Variants in LRBA observed in about 807,000 individuals in gnomAD.
The protein encoded by LRBA is lipopolysaccharide-responsive and beige-like anchor protein.
A neutral mutation model predicts 330.0 loss-of-function variants in LRBA; 176 were observed. The ratio of observed to expected loss-of-function variants is 0.53; its 90% CI spans 0.47 to 0.60. The LOEUF (loss-of-function observed/expected upper bound fraction) is 0.60. LRBA is among the 20% of genes least tolerant of loss of function. The pLI is 0.00. For synonymous variants in LRBA, 1,230 were observed against 1,193.0 expected (o/e 1.03, Z -0.64); for missense variants, 3,259 against 3,444.8 (o/e 0.95, Z 1.35).
intron 47 of LRBA, among the ~76,000 whole-genome samples, chr4:150,391,809 C>T (rs935955472): frequency 1.3e-5 from 2 of 151,936 alleles, no homozygotes; most frequent in Admixed American, 6.6e-5. Flanking sequence ...TATTTTTCTT[C>T]CTCTTGAGTG....
rs116355217 is a variant in LRBA at position 150,908,428 on chromosome 4, T to C, written c.1399A>G (p.Met467Val). The C allele has an allele frequency of 3.3e-3, 5,284 of 1,608,406 alleles. 9 individuals carry two copies. The highest frequency in any genetic ancestry group is 4.2e-3 in the Non-Finnish European group (4,939 of 1,178,732). ...AVLTHSIQSA[M>V]HSIGGVQVLF... is the part of the protein sequence containing the mutation. Reference sequence around the variant, plus strand: ...ACTTGTACTCCTCCAATTGAATGCATTGCACTTTGGATGGAATGTGTTAAA... The same window carrying C: ...ACTTGTACTCCTCCAATTGAATGCACTGCACTTTGGATGGAATGTGTTAAA... The change falls in exon 11 of 57, where the codon ATG (methionine) becomes GTG (valine). Residue 467 changes from methionine (M) to valine (V), a missense_variant. Met to Val is a conservative substitution (Grantham distance 21, BLOSUM62 1). Coordinates refer to ENST00000651943, the MANE Select transcript of LRBA (RefSeq NM_001364905.1).
Position 150,871,393 on chromosome 4 carries a change from C to T in LRBA, c.2319G>A (p.Met773Ile), listed in dbSNP as rs143024610. 3.3e-5 allele frequency: 54 copies of T among 1,612,706 alleles called. No individual in the cohort carries two copies. The African/African-American group carries it at 6.7e-4, about 20-fold the overall frequency. The change falls in exon 19 of 57, where the codon ATG becomes ATA. Residue 773 changes from methionine (M) to isoleucine (I), a missense_variant. Transcript: ENST00000651943. ...GLFSLLAERL[M>I]LQTNLITMTT... ...TCATTGTGATTAAATTTGTCTGAAG[C>T]ATGAGCCTTTCAGCTAGCAATGAAA...
At chr4:150,809,772 T>A (rs1452687543) in intron 31 of LRBA, among the ~76,000 whole-genome samples, 1 of 151,936 alleles carries the variant, frequency 6.6e-6, no homozygotes, top group Non-Finnish European at 1.5e-5. Context: ...CACTTGAGCC[T>A]AGAGGGCAGA....
intron 32 of LRBA, among the ~76,000 whole-genome samples, 193 bp downstream of exon 32, chr4:150,808,127 C>G (rs1055278415): frequency 6.6e-6 from 1 of 151,652 alleles, no homozygotes; most frequent in East Asian, 1.9e-4. Flanking sequence ...TGTACATCAT[C>G]AAATGACTTG....
intron 40 of LRBA, among the ~76,000 whole-genome samples, chr4:150,524,667 T>C (rs1011752692): frequency 6.6e-6 from 1 of 152,302 alleles, no homozygotes; most frequent in Admixed American, 6.5e-5. Flanking sequence ...GTAGAAAATA[T>C]CCTGAGGAAA....
At position 150,544,801 on chromosome 4, in the gene LRBA, T is replaced by C. The variant is rs531075691; in HGVS notation, c.6330+43247A>G. Among the ~76,000 whole-genome samples the C allele has an allele frequency of 4.6e-5, 7 of 152,354 alleles. No homozygotes were observed. In the South Asian group the frequency reaches 1.4e-3, roughly 32 times the overall value. ...ATATCAAATTAAGGCAGGGCTCATA[T>C]GCATTGCAACATTCAGTTAAAATAC... is the stretch of plus-strand genomic sequence containing the variant. On this transcript the variant is annotated intron_variant, in intron 40 of 56. Transcript: ENST00000651943.
At chr4:150,802,922 T>C (rs1741878582) in intron 33 of LRBA, among the ~76,000 whole-genome samples, 5 of 148,996 alleles carry the variant, frequency 3.4e-5, no homozygotes. Context: ...CTAGGGAGAC[T>C]GAGGCACAAG....
At chr4:150,920,041 AG>A (rs59674326) in intron 5 of LRBA, among the ~76,000 whole-genome samples, 8,800 of 152,294 alleles carry the variant, frequency 0.058, 765 homozygotes, top group African/African-American at 0.2. Flanking sequence ...AAAACTGTAA[AG>A]GAAAAAATTG....
intron 33 of LRBA, among the ~76,000 whole-genome samples, chr4:150,800,703 C>T (rs575370723): frequency 2.8e-4 from 43 of 152,202 alleles, no homozygotes; most frequent in South Asian, 1.0e-3. Context: ...TCAAAAGAAA[C>T]GAAGTACTGC....
intron 48 of LRBA, among the ~76,000 whole-genome samples, chr4:150,347,249 G>A (rs1736500805): frequency 6.6e-6 from 1 of 152,182 alleles, no homozygotes; most frequent in Non-Finnish European, 1.5e-5. Flanking sequence ...TTAATGCTTA[G>A]AGAGTTTCAG....
rs537528813 is a variant in LRBA at position 150,542,990 on chromosome 4, A to G, written c.6330+45058T>C. 3.9e-5 allele frequency among the ~76,000 whole-genome samples: 6 copies of G among 152,326 alleles called. No individual in the cohort carries two copies. The East Asian group carries it at 9.6e-4, about 24-fold the overall frequency. Reference sequence around the variant, plus strand: ...AATACAAAAATGCAAATAAATTGCCATCTTTATTACCAAAAACATAAGTGT... The same window carrying G: ...AATACAAAAATGCAAATAAATTGCCGTCTTTATTACCAAAAACATAAGTGT... On this transcript the variant is annotated intron_variant, in intron 40 of 56. Coordinates refer to ENST00000651943, the MANE Select transcript of LRBA (RefSeq NM_001364905.1).
intron 2 of LRBA, among the ~76,000 whole-genome samples, chr4:150,983,373 T>A (rs1476591748): frequency 8.6e-5 from 13 of 151,762 alleles, no homozygotes; most frequent in Admixed American, 8.5e-4. Flanking sequence ...AAGGAATGCT[T>A]GACCCCAGGA....
At chr4:150,717,450 G>A (rs996534827) in intron 36 of LRBA, among the ~76,000 whole-genome samples, 3 of 151,714 alleles carry the variant, frequency 2.0e-5, no homozygotes, top group Non-Finnish European at 4.4e-5. Flanking sequence ...TTGAGCTCAG[G>A]AGCTTGAGAC....
rs974709622 is a variant in LRBA, at chr4:150,852,042, T to C, written c.3668A>G (p.Lys1223Arg). 1 of 1,613,966 alleles carries C rather than the reference T, an allele frequency of 6.2e-7. No homozygotes were observed. Among genetic ancestry groups the C allele is most frequent in the Non-Finnish European group, 8.5e-7 (1 of 1,179,988 alleles). ...ACTACCATGACAATCATTAATTAAT[T>C]TGGTTTCTCTAGTGAGGTTAGTTGC... ...KKATNLTRETKLINDCHGSVS... is the reference protein window; with the variant it reads ...KKATNLTRETRLINDCHGSVS... The change falls in exon 23 of 57, where the codon AAA becomes AGA. Residue 1223 changes from lysine to arginine, a missense_variant. By Grantham distance (26) the Lys-to-Arg change is conservative. Coordinates refer to ENST00000651943, the MANE Select transcript of LRBA (RefSeq NM_001364905.1).
intron 2 of LRBA, among the ~76,000 whole-genome samples, chr4:150,990,517 C>A (rs1033704483): frequency 3.3e-5 from 5 of 151,860 alleles, no homozygotes; most frequent in African/African-American, 1.2e-4. Flanking sequence ...TGCTTGAGGC[C>A]AGGAGTTTCA....
chr4:150,653,262 A>G (rs1444106895), intron 37 of LRBA, among the ~76,000 whole-genome samples: 1 of 152,246 alleles, frequency 6.6e-6, no homozygotes, highest in Admixed American at 6.5e-5. Flanking sequence ...GATTCTCAAA[A>G]TATTAGGTTT....
At chr4:150,411,386 T>C (rs866127786) in intron 47 of LRBA, among the ~76,000 whole-genome samples, 4 of 152,140 alleles carry the variant, frequency 2.6e-5, no homozygotes, top group Non-Finnish European at 4.4e-5. Flanking sequence ...CTCCTAAAAA[T>C]ACCCTATCCT....
At chr4:150,735,970 A>G (rs1012495041) in intron 35 of LRBA, among the ~76,000 whole-genome samples, 1 of 152,184 alleles carries the variant, frequency 6.6e-6, no homozygotes, top group Non-Finnish European at 1.5e-5. Context: ...GTTAACTGGC[A>G]GCCAAAAAGC....
In LRBA at chr4:150,305,094, G is replaced by A. The variant is rs563481747; in HGVS notation, c.7850-2302C>T. Among the ~76,000 whole-genome samples, 4 of 152,296 alleles carry A rather than the reference G, an allele frequency of 2.6e-5. No homozygotes were observed. In the East Asian group the frequency reaches 7.7e-4, roughly 29 times the overall value. On this transcript the variant is annotated intron_variant, in intron 52 of 56. Transcript: ENST00000651943. ...AATCAGTGGGTTGTAGGAGTGAGGA[G>A]GAGTGAAATAACTAACCAGGTACTT...
Sources: gnomAD v4.1 joint callset for allele counts (sites outside exome capture counted in the v4.1 genomes callset) on GRCh38, gnomAD v4.1.1 for gene constraint, MANE v1.5 for transcripts, NCBI Gene and HGNC (gene_info 2026-07-23, HGNC 2026-07-21) for gene names.